The following ZNF536 variants were observed in gnomAD, a reference collection of about 807,000 sequenced individuals.
ZNF536 encodes zinc finger protein 536.
In ZNF536, 13 loss-of-function variants were observed where a neutral mutation model predicts 84.5. The observed-to-expected ratio is 0.15, with a 90% CI of 0.10 to 0.24. The LOEUF (loss-of-function observed/expected upper bound fraction) is 0.24, where lower values mean the gene tolerates loss of function less well. Among genes scored for constraint, ZNF536 ranks in the 10% least tolerant of loss-of-function variants. ZNF536 has a pLI of 1.00. For synonymous variants in ZNF536, 811 were observed against 742.5 expected, an observed-to-expected ratio of 1.09 and a Z score of -1.50; for missense variants, 1,536 against 1,747.5, an observed-to-expected ratio of 0.88 and a Z score of 2.16.
intron 1 of ZNF536, among the ~76,000 whole-genome samples, chr19:30,698,561 T>C (rs1385499059): frequency 6.6e-6 from 1 of 152,194 alleles, no homozygotes; most frequent in Non-Finnish European, 1.5e-5. Flanking sequence ...TCACTTTTCT[T>C]GTTTCTGATG....
intron 1 of ZNF536, among the ~76,000 whole-genome samples, chr19:30,566,818 G>A (rs1466759920): frequency 1.3e-5 from 2 of 151,950 alleles, no homozygotes; most frequent in East Asian, 3.9e-4. Flanking sequence ...GTCCCCACAT[G>A]TGGCCTCTCC....
intron 4 of ZNF536, among the ~76,000 whole-genome samples, chr19:30,553,205 C>G (rs1816860774): frequency 6.6e-6 from 1 of 152,176 alleles, no homozygotes; most frequent in South Asian, 2.1e-4. Context: ...AGGGGAAGAC[C>G]AGAGCAGTGT....
At chr19:30,510,678 C>T (rs1219121488) in intron 2 of ZNF536, among the ~76,000 whole-genome samples, 1 of 152,188 alleles carries the variant, frequency 6.6e-6, no homozygotes, top group Non-Finnish European at 1.5e-5. Context: ...AGGAAGCAGA[C>T]ATCAGAGCTT....
At position 30,444,783 on chromosome 19, in the gene ZNF536, C is replaced by T. The variant is rs533533489; in HGVS notation, c.1221C>T (p.Ser407=). ...NKLSVKNKSP[S]DPEVPVPMGG... ...TGTCGGTGAAGAACAAGTCCCCCAG[C>T]GACCCCGAGGTGCCTGTGCCCATGG... The change falls in exon 2 of 5, where the codon AGC becomes AGT. Residue 407 remains serine (S), a synonymous_variant. Transcript: ENST00000355537. 3.1e-6 allele frequency: 5 copies of T among 1,613,934 alleles called. No homozygotes were observed. The highest frequency in any genetic ancestry group is 4.5e-5 in the East Asian group (2 of 44,874).
rs776585198 is a variant in ZNF536 at position 30,445,662 on chromosome 19, C to A, written c.2100C>A (p.Val700=). The A allele has an allele frequency of 6.2e-7, 1 of 1,608,844 alleles. No homozygotes were observed. The part of the protein sequence containing the change: ...GSSNVTEESG[V]GGGLSQTGSA... ...CTAACGTCACCGAGGAGAGCGGGGT[C>A]GGAGGCGGCCTCTCCCAGACCGGGA... The change falls in exon 2 of 5, where the codon GTC becomes GTA. Residue 700 remains valine, a synonymous_variant. Coordinates refer to ENST00000355537, the MANE Select transcript of ZNF536 (RefSeq NM_014717.3). The surrounding 1 kb of genome is among the most constrained non-coding windows in gnomAD (Gnocchi z 4.5).
At chr19:30,326,156 C>G (rs551204571) in intron 2 of ZNF536, among the ~76,000 whole-genome samples, 3 of 152,314 alleles carry the variant, frequency 2.0e-5, no homozygotes, top group African/African-American at 7.2e-5. Flanking sequence ...TCCAGGCAAG[C>G]AGGCAGAACT....
intron 3 of ZNF536, among the ~76,000 whole-genome samples, chr19:30,362,092 A>G (rs2048294298): frequency 6.6e-6 from 1 of 152,236 alleles, no homozygotes; most frequent in African/African-American, 2.4e-5. Context: ...GAGAAAGTGC[A>G]GGAAGAGAGA....
intron 1 of ZNF536, among the ~76,000 whole-genome samples, chr19:30,273,339 C>T (rs987873487): frequency 4.1e-4 from 62 of 152,256 alleles, no homozygotes; most frequent in African/African-American, 1.4e-3. Flanking sequence ...TGTCTTGCCA[C>T]GTGGCTTTCC....
At chr19:30,541,500 G>T (rs1246378956) in intron 3 of ZNF536, among the ~76,000 whole-genome samples, 1 of 151,910 alleles carries the variant, frequency 6.6e-6, no homozygotes, top group East Asian at 1.9e-4. Context: ...TAAAAGCCCG[G>T]TTTATTCCTC....
chr19:30,657,052 A>G lies in ZNF536; in HGVS notation c.170-53705A>G, dbSNP rs989343522. Among the ~76,000 whole-genome samples, 5 of 152,198 alleles carry G rather than the reference A, an allele frequency of 3.3e-5. No individual in the cohort carries two copies. The East Asian group carries it at 9.6e-4, about 29-fold the overall frequency. On this transcript the variant is annotated intron_variant, in intron 1 of 1. Transcript: ENST00000592773. ...AAATATTTCATCCGAAACCACAGAGATGCTGGCATTGCTGGTGTGAAAAGT... is the reference window on the plus strand; with the variant it reads ...AAATATTTCATCCGAAACCACAGAGGTGCTGGCATTGCTGGTGTGAAAAGT...
At chr19:30,240,521 G>T (rs1044960963) in intron 1 of ZNF536, among the ~76,000 whole-genome samples, 1 of 152,200 alleles carries the variant, frequency 6.6e-6, no homozygotes, top group Non-Finnish European at 1.5e-5. Context: ...CCAGCTGCAG[G>T]TTGCTCTGCC....
chr19:30,293,829 G>T (rs2045916595), intron 2 of ZNF536, among the ~76,000 whole-genome samples: 1 of 152,216 alleles, frequency 6.6e-6, no homozygotes, highest in African/African-American at 2.4e-5. Context: ...TACTTAGTAG[G>T]TGCTTGCTAA....
At chr19:30,469,143 G>T (rs1310127051) in intron 2 of ZNF536, among the ~76,000 whole-genome samples, 2 of 152,152 alleles carry the variant, frequency 1.3e-5, no homozygotes, top group African/African-American at 4.8e-5. Flanking sequence ...GACCGGGCAC[G>T]GTAGCTCACG....
chr19:30,644,590 C>A (rs2049395257), intron 1 of ZNF536, among the ~76,000 whole-genome samples: 4 of 152,098 alleles, frequency 2.6e-5, no homozygotes, highest in Admixed American at 2.6e-4. Context: ...TTGTTCAATT[C>A]CCACCTATGA....
chr19:30,327,473 A>G (rs2047077089), intron 2 of ZNF536, among the ~76,000 whole-genome samples: 2 of 152,210 alleles, frequency 1.3e-5, no homozygotes, highest in Admixed American at 6.5e-5. Flanking sequence ...TTATCTCCAC[A>G]TAAGACTTCA....
chr19:30,419,404 C>A (rs1046955757), intron 1 of ZNF536, among the ~76,000 whole-genome samples: 1 of 152,102 alleles, frequency 6.6e-6, no homozygotes, highest in African/African-American at 2.4e-5. Context: ...TGTTTTTGAG[C>A]CTTTTGATCT....
intron 1 of ZNF536, among the ~76,000 whole-genome samples, chr19:30,674,581 G>C (rs1377667708): frequency 6.6e-6 from 1 of 152,166 alleles, no homozygotes; most frequent in Non-Finnish European, 1.5e-5. Context: ...GTTTTGGGGA[G>C]CTCTGGGACC....
chr19:30,229,614 C>G (rs1219943863), intron 1 of ZNF536, among the ~76,000 whole-genome samples: 1 of 152,120 alleles, frequency 6.6e-6, no homozygotes, highest in Non-Finnish European at 1.5e-5. Context: ...CAGGGGGTCG[C>G]CCCTGCAGCC....
At chr19:30,628,586 G>T (rs374544752) in intron 1 of ZNF536, among the ~76,000 whole-genome samples, 3 of 152,030 alleles carry the variant, frequency 2.0e-5, no homozygotes, top group South Asian at 4.2e-4. Context: ...CCGCCACCAC[G>T]CCTGGCTAAG....
Sources: gnomAD v4.1 joint callset for allele counts (sites outside exome capture counted in the v4.1 genomes callset) on GRCh38, gnomAD v4.1.1 for gene constraint, Gnocchi (gnomAD v3.1) non-coding constraint, MANE v1.5 for transcripts, NCBI Gene and HGNC (gene_info 2026-07-23, HGNC 2026-07-21) for gene names.